HSPA13: variants seen among roughly 807,000 people sequenced by gnomAD.
HSPA13 encodes the protein heat shock 70 kDa protein 13.
Under a neutral mutation model 38.8 loss-of-function variants are expected in HSPA13, and 29 were observed. The observed-to-expected ratio is 0.75, with a 90% CI of 0.56 to 1.02. The LOEUF is 1.02. HSPA13 is among the 50% of genes least tolerant of loss of function. The probability of loss-of-function intolerance (pLI) is 0.00; values close to 1 mark genes in which losing one functional copy is unlikely to be tolerated. For synonymous variants in HSPA13, 192 were observed against 205.3 expected (o/e 0.94, Z 0.56); for missense variants, 451 against 560.9 (o/e 0.80, Z 1.98).
In HSPA13 at chr21:14,375,638, T is replaced by C; in HGVS notation, c.748+14A>G. 6.2e-7 allele frequency: 1 copy of C among 1,610,052 alleles called. No individual in the cohort carries two copies. On this transcript the variant is annotated intron_variant, in intron 4 of 4. Transcript: ENST00000285667. ...TGAGCCACTGCGCCCAGCCTCTCCC[T>C]GCATTTTTCTTACCAGACATTGCTC...
In HSPA13 at chr21:14,373,015, C is replaced by G. The variant is rs986742325; in HGVS notation, c.*602G>C. On this transcript the variant is annotated 3_prime_UTR_variant, in exon 5 of 5. Transcript: ENST00000285667. Reference sequence around the variant, plus strand: ...AAATTCATCTATTAAACACATAAAACTCCTGGAGAATGCAGATTACAAGAA... The same window carrying G: ...AAATTCATCTATTAAACACATAAAAGTCCTGGAGAATGCAGATTACAAGAA... 2.0e-5 allele frequency: 3 copies of G among 152,204 alleles called. No individual in the cohort carries two copies. The highest frequency in any genetic ancestry group is 7.2e-5 in the African/African-American group (3 of 41,420). 9.4% of individuals were successfully genotyped at this position (152,204 alleles called of 1,614,324 possible).
In HSPA13 at chr21:14,373,827, C is replaced by T. The variant is rs758639110; in HGVS notation, c.1206G>A (p.Val402=). 1.2e-6 allele frequency: 2 copies of T among 1,614,078 alleles called. No individual in the cohort carries two copies. Among genetic ancestry groups the T allele is most frequent in the African/African-American group, 2.7e-5 (2 of 74,922 alleles). The change falls in exon 5 of 5, where the codon GTG becomes GTA. Residue 402 remains valine (V), a synonymous_variant. Transcript: ENST00000285667. ...GHLEKTEIDE[V]VLVGGSTRIP... is the part of the protein sequence containing the mutation. ...TACGAGTGGAGCCCCCAACTAAAACCACCTCATCAATCTCAGTCTTTTCCA... is the reference window on the plus strand; with the variant it reads ...TACGAGTGGAGCCCCCAACTAAAACTACCTCATCAATCTCAGTCTTTTCCA...
chr21:14,375,406 G>C (rs1471312630), intron 4 of HSPA13, among the ~76,000 whole-genome samples: 1 of 146,340 alleles, frequency 6.8e-6, no homozygotes, highest in South Asian at 2.1e-4. Context: ...AAGAATTCTG[G>C]GGGAAAAAAA....
In HSPA13 at chr21:14,373,543, T is replaced by C. The variant is rs531442648; in HGVS notation, c.*74A>G. The C allele has an allele frequency of 3.3e-5, 43 of 1,288,294 alleles. No individual in the cohort carries two copies. In the African/African-American group the frequency reaches 6.2e-4, roughly 19 times the overall value. 79.8% of individuals were successfully genotyped at this position (1,288,294 alleles called of 1,614,324 possible). Reference sequence around the variant, plus strand: ...CTGTGATATTTTAGAGACTTTCTTTTGTGGAAAAGGTAATCTGATAAATGG... The same window carrying C: ...CTGTGATATTTTAGAGACTTTCTTTCGTGGAAAAGGTAATCTGATAAATGG... On this transcript the variant is annotated 3_prime_UTR_variant, in exon 5 of 5. Transcript: ENST00000285667.
At position 14,378,243 on chromosome 21, in the gene HSPA13, T is replaced by C; in HGVS notation, c.536A>G (p.Asp179Gly). ...NAVISVPAEF[D>G]LKQRNSTIEA... ...AATTGTTGAATTTCTCTGTTTTAGA[T>C]CAAATTCTGCTGGTACAGAAATGAC... The change falls in exon 3 of 5, where the codon GAT becomes GGT. Residue 179 changes from aspartate to glycine, a missense_variant. Coordinates refer to ENST00000285667, the MANE Select transcript of HSPA13 (RefSeq NM_006948.5). 6.2e-7 allele frequency: 1 copy of C among 1,614,144 alleles called. No individual in the cohort carries two copies. The highest frequency in any genetic ancestry group is 8.5e-7 in the Non-Finnish European group (1 of 1,180,016).
chr21:14,374,801 G>T (rs1368591771), intron 4 of HSPA13, among the ~76,000 whole-genome samples: 2 of 152,072 alleles, frequency 1.3e-5, no homozygotes, highest in Non-Finnish European at 2.9e-5. Context: ...AGAAGAAAGT[G>T]CTTCTTATAA....
At chr21:14,376,425 A>C (rs947538387) in intron 3 of HSPA13, among the ~76,000 whole-genome samples, 1 of 152,248 alleles carries the variant, frequency 6.6e-6, no homozygotes, top group Non-Finnish European at 1.5e-5. Flanking sequence ...AAAATAAAAA[A>C]AAATAAAAAA....
intron 2 of HSPA13, among the ~76,000 whole-genome samples, chr21:14,379,329 T>C (rs558923280): frequency 1.4e-3 from 216 of 152,240 alleles, no homozygotes; most frequent in African/African-American, 4.8e-3. Flanking sequence ...TCTATTAATA[T>C]AAATAAAAAA....
Position 14,371,819 on chromosome 21 carries a change from T to C in HSPA13, c.*1798A>G, listed in dbSNP as rs1279445797. ...ATTTTGAGATAAATTGGAACACTTTTAGAAGACCTTCACAAAGAATTTTTC... is the reference window on the plus strand; with the variant it reads ...ATTTTGAGATAAATTGGAACACTTTCAGAAGACCTTCACAAAGAATTTTTC... On this transcript the variant is annotated 3_prime_UTR_variant, in exon 5 of 5. Coordinates refer to ENST00000285667, the MANE Select transcript of HSPA13 (RefSeq NM_006948.5). 1.3e-5 allele frequency: 2 copies of C among 152,366 alleles called. No individual in the cohort carries two copies. Among genetic ancestry groups the C allele is most frequent in the African/African-American group, 4.8e-5 (2 of 41,462 alleles). The allele number at this position is 152,366 out of a possible 1,614,324, so 9.4% of individuals were successfully genotyped here.
chr21:14,374,805 C>T (rs1236844876), intron 4 of HSPA13, among the ~76,000 whole-genome samples: 1 of 152,094 alleles, frequency 6.6e-6, no homozygotes, highest in Non-Finnish European at 1.5e-5. Flanking sequence ...GAAAGTGCTT[C>T]TTATAATGAA....
In HSPA13 at chr21:14,381,563, A is replaced by G; in HGVS notation, c.26-20T>C. On this transcript the variant is annotated intron_variant, in intron 1 of 4. Coordinates refer to ENST00000285667, the MANE Select transcript of HSPA13 (RefSeq NM_006948.5). ...CCGATCCTGAAATAAAGGAAAATTAAAAGATGTATTTTATCAAACTAGTAC... is the reference window on the plus strand; with the variant it reads ...CCGATCCTGAAATAAAGGAAAATTAGAAGATGTATTTTATCAAACTAGTAC... The G allele has an allele frequency of 6.4e-7, 1 of 1,564,776 alleles. No individual in the cohort carries two copies. Among genetic ancestry groups the G allele is most frequent in the South Asian group, 1.2e-5 (1 of 86,464 alleles).
intron 4 of HSPA13, among the ~76,000 whole-genome samples, chr21:14,375,269 T>G (rs1255702150): frequency 6.6e-6 from 1 of 152,152 alleles, no homozygotes; most frequent in Non-Finnish European, 1.5e-5. Flanking sequence ...GAGCCGTAAT[T>G]GGGTAACTGG....
chr21:14,371,720 A>G lies in HSPA13; in HGVS notation c.*1897T>C, dbSNP rs1320330499. On this transcript the variant is annotated 3_prime_UTR_variant, in exon 5 of 5. Transcript: ENST00000285667. ...TCCAAAAGCATTAACGGATTAAGAGACTGTCTTGAACATCTCAAACATTTG... is the reference window on the plus strand; with the variant it reads ...TCCAAAAGCATTAACGGATTAAGAGGCTGTCTTGAACATCTCAAACATTTG... The G allele has an allele frequency of 6.6e-6, 1 of 152,094 alleles. No homozygotes were observed. The highest frequency in any genetic ancestry group is 1.5e-5 in the Non-Finnish European group (1 of 67,936). The allele number at this position is 152,094 out of a possible 1,614,324, so 9.4% of individuals were successfully genotyped here. A position where few individuals can be genotyped will look rare whatever the true frequency, so the allele number is the denominator to read the frequency against.
chr21:14,378,223 T>C lies in HSPA13; in HGVS notation c.556A>G (p.Thr186Ala). The C allele has an allele frequency of 1.2e-6, 2 of 1,614,082 alleles. No homozygotes were observed. Among genetic ancestry groups the C allele is most frequent in the Non-Finnish European group, 8.5e-7 (1 of 1,179,934 alleles). The change falls in exon 3 of 5, where the codon ACA (threonine) becomes GCA (alanine). Residue 186 changes from threonine to alanine, a missense_variant. Transcript: ENST00000285667. ...AEFDLKQRNSTIEAANLAGLK... is the reference protein window; with the variant it reads ...AEFDLKQRNSAIEAANLAGLK... ...CCTGCAAGGTTAGCAGCTTCAATTG[T>C]TGAATTTCTCTGTTTTAGATCAAAT...
intron 3 of HSPA13, among the ~76,000 whole-genome samples, 167 bp downstream of exon 3, chr21:14,378,032 T>C (rs998588575): frequency 6.6e-6 from 1 of 152,234 alleles, no homozygotes; most frequent in Non-Finnish European, 1.5e-5. Context: ...CATATACACA[T>C]ATATACTATC....
At chr21:14,376,787 T>C (rs1984038719) in intron 3 of HSPA13, among the ~76,000 whole-genome samples, 1 of 152,232 alleles carries the variant, frequency 6.6e-6, no homozygotes, top group Admixed American at 6.5e-5. Context: ...TCCATGCGTC[T>C]GCATGGTTAA....
Position 14,372,229 on chromosome 21 carries a change from T to C in HSPA13, c.*1388A>G, listed in dbSNP as rs995564951. Reference sequence around the variant, plus strand: ...TGGATAAAGCAGAGATACTTTACAATAAAAAACAAAAAAAGGTGATCAGGA... The same window carrying C: ...TGGATAAAGCAGAGATACTTTACAACAAAAAACAAAAAAAGGTGATCAGGA... On this transcript the variant is annotated 3_prime_UTR_variant, in exon 5 of 5. Coordinates refer to ENST00000285667, the MANE Select transcript of HSPA13 (RefSeq NM_006948.5). 6.6e-6 allele frequency: 1 copy of C among 151,076 alleles called. No individual in the cohort carries two copies. Among genetic ancestry groups the C allele is most frequent in the Non-Finnish European group, 1.5e-5 (1 of 67,656 alleles). The allele number at this position is 151,076 out of a possible 1,614,324, so 9.4% of individuals were successfully genotyped here. A position where few individuals can be genotyped will look rare whatever the true frequency, so the allele number is the denominator to read the frequency against.
At chr21:14,377,095 T>C (rs994506059) in intron 3 of HSPA13, among the ~76,000 whole-genome samples, 9 of 152,206 alleles carry the variant, frequency 5.9e-5, no homozygotes, top group African/African-American at 1.9e-4. Flanking sequence ...AGGGACGCTG[T>C]TAAATATTTT....
intron 4 of HSPA13, among the ~76,000 whole-genome samples, chr21:14,374,546 A>G (rs1317810703): frequency 4.6e-5 from 7 of 152,202 alleles, no homozygotes; most frequent in Admixed American, 4.6e-4. Flanking sequence ...ACTGGGTAAC[A>G]TAGCAAGACC....
Sources: gnomAD v4.1 joint callset for allele counts (sites outside exome capture counted in the v4.1 genomes callset) on GRCh38, gnomAD v4.1.1 for gene constraint, MANE v1.5 for transcripts, NCBI Gene and HGNC (gene_info 2026-07-23, HGNC 2026-07-21) for gene names.